Variants in CCDC192 observed in about 807,000 individuals in gnomAD.
The protein encoded by CCDC192 is coiled-coil domain containing 192.
intron 2 of CCDC192, among the ~76,000 whole-genome samples, chr5:127,715,390 C>T (rs1411524280): frequency 1.3e-5 from 2 of 152,200 alleles, no homozygotes; most frequent in Non-Finnish European, 2.9e-5. Flanking sequence ...GTCCTTTCTT[C>T]AGTGTGTATT....
chr5:127,825,195 A>G (rs1045591857), intron 5 of CCDC192, among the ~76,000 whole-genome samples: 1 of 152,264 alleles, frequency 6.6e-6, no homozygotes, highest in African/African-American at 2.4e-5. Context: ...CTATTAAAAC[A>G]CATTAATATA....
rs1187038255 is a variant in CCDC192 at position 127,735,596 on chromosome 5, T to C, written c.115-18672T>C. Among the ~76,000 whole-genome samples the C allele has an allele frequency of 2.0e-3, 222 of 109,086 alleles. No homozygotes were observed. In the Middle Eastern group the frequency reaches 0.029, roughly 14 times the overall value. 71.6% of individuals were successfully genotyped at this position (109,086 alleles called of 152,430 possible). On this transcript the variant is annotated intron_variant, in intron 2 of 6. Coordinates refer to ENST00000514853, the MANE Select transcript of CCDC192 (RefSeq NM_001317938.2). ...TCTTCCATTTGTTTGTATCCTCTTT[T>C]ATTTCCTTGAGCAGTGGTTTGTAGT...
chr5:127,831,349 AGT>A (rs141668173), intron 5 of CCDC192, among the ~76,000 whole-genome samples: 3 of 151,726 alleles, frequency 2.0e-5, no homozygotes, highest in South Asian at 2.1e-4. Context: ...AATCTTCAAA[AGT>A]GTGTGTGTGT....
intron 6 of CCDC192, among the ~76,000 whole-genome samples, chr5:127,939,914 A>T (rs896214888): frequency 1.3e-5 from 2 of 152,178 alleles, no homozygotes; most frequent in Non-Finnish European, 2.9e-5. Flanking sequence ...TACATGCCAT[A>T]AGCTCCATTA....
rs954721629 is a variant in CCDC192 at position 127,798,229 on chromosome 5, A to G, written c.411+67A>G. On this transcript the variant is annotated intron_variant, in intron 5 of 6. Coordinates refer to ENST00000514853, the MANE Select transcript of CCDC192 (RefSeq NM_001317938.2). ...TTGTTAGCTTGGAAATGAACAGAAC[A>G]TGGAAAGAAGTTATAAATGAGTTTC... is the stretch of plus-strand genomic sequence containing the variant. 1.0e-5 allele frequency: 4 copies of G among 397,004 alleles called. No homozygotes were observed. The Admixed American group carries it at 1.3e-4, about 13-fold the overall frequency. The allele number at this position is 397,004 out of a possible 1,614,324, so 24.6% of individuals were successfully genotyped here. A position where few individuals can be genotyped will look rare whatever the true frequency, so the allele number is the denominator to read the frequency against.
intron 5 of CCDC192, among the ~76,000 whole-genome samples, chr5:127,819,265 C>T (rs1472702898): frequency 3.3e-5 from 5 of 152,146 alleles, no homozygotes; most frequent in Admixed American, 2.6e-4. Flanking sequence ...TCAAGAGATG[C>T]CTGCTTCTTT....
chr5:127,918,111 G>T (rs115628859), intron 6 of CCDC192, among the ~76,000 whole-genome samples: 2,008 of 151,644 alleles, frequency 0.013, 30 homozygotes, highest in African/African-American at 0.046. Flanking sequence ...TTCCAGTCTG[G>T]GTAACAGAGC....
At chr5:127,887,939 G>A (rs545546660) in intron 6 of CCDC192, among the ~76,000 whole-genome samples, 4 of 151,820 alleles carry the variant, frequency 2.6e-5, no homozygotes, top group South Asian at 4.2e-4. Flanking sequence ...TCTTGACCTC[G>A]TGATCCACCC....
intron 3 of CCDC192, among the ~76,000 whole-genome samples, chr5:127,759,231 C>G (rs1754779739): frequency 6.6e-6 from 1 of 152,166 alleles, no homozygotes; most frequent in Non-Finnish European, 1.5e-5. Context: ...AGGTATCTGT[C>G]CCTCTGTCCC....
chr5:127,889,219 C>T (rs891089249), intron 6 of CCDC192, among the ~76,000 whole-genome samples: 7 of 152,104 alleles, frequency 4.6e-5, no homozygotes, highest in African/African-American at 1.4e-4. Context: ...AAAAAGCTTT[C>T]ATCCTTTGAA....
chr5:127,931,621 T>C (rs920387962), intron 6 of CCDC192, among the ~76,000 whole-genome samples: 1 of 152,174 alleles, frequency 6.6e-6, no homozygotes, highest in Non-Finnish European at 1.5e-5. Context: ...AATTCACTTG[T>C]AGAAACCTGG....
chr5:127,777,713 C>T (rs998799644), intron 3 of CCDC192, among the ~76,000 whole-genome samples: 1 of 152,112 alleles, frequency 6.6e-6, no homozygotes, highest in African/African-American at 2.4e-5. Context: ...GGCCATTCCC[C>T]CATACTGTTC....
intron 3 of CCDC192, among the ~76,000 whole-genome samples, chr5:127,756,703 G>A (rs993044012): frequency 6.6e-6 from 1 of 152,238 alleles, no homozygotes. Flanking sequence ...TTCTGCAAGG[G>A]CAGATTGGAC....
chr5:127,732,430 T>C lies in CCDC192; in HGVS notation c.115-21838T>C, dbSNP rs184824721. Among the ~76,000 whole-genome samples, 6 of 152,336 alleles carry C rather than the reference T, an allele frequency of 3.9e-5. No homozygotes were observed. The East Asian group carries it at 1.2e-3, about 29-fold the overall frequency. ...TTAGTTCAACCATTGTGGAAGACAG[T>C]GTGGCAACTCCTCAAAGACATGTAA... On this transcript the variant is annotated intron_variant, in intron 2 of 6. Transcript: ENST00000514853.
intron 5 of CCDC192, among the ~76,000 whole-genome samples, chr5:127,808,506 A>G (rs1462448089): frequency 1.1e-4 from 16 of 152,250 alleles, no homozygotes; most frequent in Non-Finnish European, 1.9e-4. Flanking sequence ...GGCTGCCCAT[A>G]GGTCTCCTGA....
chr5:127,774,314 G>T (rs977602263), intron 3 of CCDC192, among the ~76,000 whole-genome samples: 4 of 152,106 alleles, frequency 2.6e-5, no homozygotes, highest in African/African-American at 9.7e-5. Flanking sequence ...TGCTGTCAAA[G>T]AACCCATTGC....
At chr5:127,797,856 CT>C (rs1339642967) in intron 4 of CCDC192, among the ~76,000 whole-genome samples, 1 of 148,808 alleles carries the variant, frequency 6.7e-6, no homozygotes, top group Non-Finnish European at 1.5e-5. Context: ...GCACATCAAG[CT>C]AACATTATCT....
chr5:127,885,969 G>A (rs576674182), intron 6 of CCDC192, among the ~76,000 whole-genome samples: 2 of 152,258 alleles, frequency 1.3e-5, no homozygotes, highest in East Asian at 3.9e-4. Context: ...AAGAAGAAAT[G>A]TAAGAGGAAC....
chr5:127,872,980 A>G (rs1375619692), intron 5 of CCDC192, among the ~76,000 whole-genome samples: 2 of 152,194 alleles, frequency 1.3e-5, no homozygotes. Flanking sequence ...TTTTTTTAAA[A>G]AGAGTTAAAA....
Sources: gnomAD v4.1 joint callset for allele counts (sites outside exome capture counted in the v4.1 genomes callset) on GRCh38, gnomAD v4.1.1 for gene constraint, MANE v1.5 for transcripts, NCBI Gene and HGNC (gene_info 2026-07-23, HGNC 2026-07-21) for gene names.